AADAT: variants seen among roughly 807,000 people sequenced by gnomAD.
AADAT encodes the protein aminoadipate aminotransferase.
A neutral mutation model predicts 56.2 loss-of-function variants in AADAT; 25 were observed. The observed-to-expected ratio is 0.44, with a 90% CI of 0.32 to 0.62. The LOEUF is 0.62. Ranked by LOEUF, AADAT falls within the 20% of genes least tolerant of loss-of-function variation. The pLI is 0.04. For synonymous variants in AADAT, 173 were observed against 164.7 expected, an observed-to-expected ratio of 1.05 and a Z score of -0.39; for missense variants, 387 against 510.5, an observed-to-expected ratio of 0.76 and a Z score of 2.33.
At chr4:170,066,560 G>A (rs1731473114) in intron 9 of AADAT, 82 bp from the exon 10 acceptor site, 1 of 1,005,176 alleles carries the variant, frequency 9.9e-7, no homozygotes, top group Non-Finnish European at 1.6e-6. Context: ...CAGGCTATAA[G>A]AATTTGTTTT....
intron 3 of AADAT, among the ~76,000 whole-genome samples, chr4:170,084,655 T>C (rs1732466420): frequency 1.3e-5 from 2 of 152,164 alleles, no homozygotes; most frequent in Non-Finnish European, 2.9e-5. Context: ...CCACAAACAG[T>C]AGGGCCATTA....
intron 9 of AADAT, 33 bp from the exon 10 acceptor site, chr4:170,066,511 C>T: frequency 1.3e-6 from 2 of 1,524,636 alleles, no homozygotes; most frequent in Non-Finnish European, 1.8e-6. Context: ...TGGATGTGCT[C>T]AGTACATTGA....
At chr4:170,086,704 G>C (rs184502306) in intron 3 of AADAT, among the ~76,000 whole-genome samples, 594 of 152,286 alleles carry the variant, frequency 3.9e-3, no homozygotes, top group Admixed American at 8.7e-3. Flanking sequence ...CCCTTAGTGG[G>C]CATCCTGCTT....
upstream of AADAT, among the ~76,000 whole-genome samples, chr4:170,091,240 C>A (rs868191498): frequency 2.4e-4 from 36 of 152,078 alleles, no homozygotes; most frequent in African/African-American, 9.7e-5. Context: ...GGGAGAGGCA[C>A]GGGCGGGAAC....
chr4:170,088,917 A>G lies in AADAT; in HGVS notation c.68-353T>C, dbSNP rs559807075. 9.9e-5 allele frequency among the ~76,000 whole-genome samples: 15 copies of G among 150,840 alleles called. No individual in the cohort carries two copies. In the South Asian group the frequency reaches 3.1e-3, roughly 32 times the overall value. On this transcript the variant is annotated intron_variant, in intron 1 of 12. Coordinates refer to ENST00000337664, the MANE Select transcript of AADAT (RefSeq NM_016228.4). ...AGGATGCAGCAAGATGGCTCTGTCT[A>G]TAAGGAAGGGCTCTCACCATGGTGA...
chr4:170,090,080 G>C (rs1286261760), upstream of AADAT: 2 of 149,310 alleles, frequency 1.3e-5, no homozygotes, highest in African/African-American at 5.0e-5. Context: ...ATCGCCCTCA[G>C]AGCGCAGGGC....
At chr4:170,092,246 T>C (rs180769386), upstream of AADAT, among the ~76,000 whole-genome samples, 7 of 152,384 alleles carry the variant, frequency 4.6e-5, no homozygotes, top group East Asian at 1.2e-3. Flanking sequence ...CTGCTGACTC[T>C]TTGGGTCCAC....
At chr4:170,081,736 C>T (rs1053343974) in intron 3 of AADAT, among the ~76,000 whole-genome samples, 2 of 152,088 alleles carry the variant, frequency 1.3e-5, no homozygotes, top group East Asian at 1.9e-4. Context: ...GATGGGGCCT[C>T]GCTATGTTAA....
chr4:170,076,228 T>G (rs770176607), intron 4 of AADAT, among the ~76,000 whole-genome samples: 47 of 152,212 alleles, frequency 3.1e-4, no homozygotes, highest in Non-Finnish European at 5.9e-5. Context: ...TGAACCCAGT[T>G]TCTTCACATA....
At chr4:170,077,392 G>A (rs940823786) in intron 4 of AADAT, among the ~76,000 whole-genome samples, 1 of 151,956 alleles carries the variant, frequency 6.6e-6, no homozygotes, top group African/African-American at 2.4e-5. Flanking sequence ...AGTTTTTAAT[G>A]TACAAGTCTT....
chr4:170,061,701 C>T (rs988769264), intron 12 of AADAT, among the ~76,000 whole-genome samples, 191 bp downstream of exon 12: 1 of 152,270 alleles, frequency 6.6e-6, no homozygotes, highest in African/African-American at 2.4e-5. Context: ...CCAATTTAGT[C>T]TCATTTCTAT....
chr4:170,079,573 T>C (rs1481589131), intron 3 of AADAT, among the ~76,000 whole-genome samples: 4 of 151,518 alleles, frequency 2.6e-5, no homozygotes, highest in Non-Finnish European at 4.4e-5. Context: ...TAAAGTAGAG[T>C]GGTGACAGAG....
At chr4:170,073,652 A>G (rs1342243166) in intron 4 of AADAT, among the ~76,000 whole-genome samples, 1 of 151,914 alleles carries the variant, frequency 6.6e-6, no homozygotes, top group South Asian at 2.1e-4. Context: ...GGTGCACGCC[A>G]CCACGCCCAG....
Position 170,069,199 on chromosome 4 carries a change from A to G in AADAT, c.752T>C (p.Val251Ala), listed in dbSNP as rs1420207635. ...GTCAGCTCTGATGACACGTCCATCA[A>G]CATCCATGGAAAGAAATGTTGGTAC... The part of the protein sequence containing the change: ...FRVPTFLSMD[V>A]DGRVIRADSF... The change falls in exon 7 of 13, where the codon GTT becomes GCT. Residue 251 changes from valine (V) to alanine (A), a missense_variant. Coordinates refer to ENST00000337664, the MANE Select transcript of AADAT (RefSeq NM_016228.4). 1 of 1,613,968 alleles carries G rather than the reference A, an allele frequency of 6.2e-7. No individual in the cohort carries two copies. The highest frequency in any genetic ancestry group is 8.5e-7 in the Non-Finnish European group (1 of 1,179,930).
rs1214188051 is a variant in AADAT, at chr4:170,069,195, A to G, written c.756T>C (p.Asp252=). The G allele has an allele frequency of 1.9e-6, 3 of 1,614,000 alleles. No homozygotes were observed. Among genetic ancestry groups the G allele is most frequent in the African/African-American group, 1.3e-5 (1 of 75,060 alleles). ...AAGAGTCAGCTCTGATGACACGTCC[A>G]TCAACATCCATGGAAAGAAATGTTG... ...RVPTFLSMDV[D]GRVIRADSFS... The change falls in exon 7 of 13, where the codon GAT becomes GAC. Residue 252 remains aspartate (D), a synonymous_variant. Coordinates refer to ENST00000337664, the MANE Select transcript of AADAT (RefSeq NM_016228.4).
chr4:170,080,664 A>G (rs1317046247), intron 3 of AADAT, among the ~76,000 whole-genome samples: 1 of 152,180 alleles, frequency 6.6e-6, no homozygotes, highest in Non-Finnish European at 1.5e-5. Context: ...TCTCATGCCA[A>G]TGGAATAAAT....
chr4:170,069,110 A>G, intron 7 of AADAT, 38 bp downstream of exon 7: 3 of 1,564,522 alleles, frequency 1.9e-6, no homozygotes, highest in Non-Finnish European at 2.6e-6. Flanking sequence ...CTCTGGCTCT[A>G]TTAGATCTAG....
chr4:170,068,515 T>G, intron 8 of AADAT, 76 bp downstream of exon 8: 2 of 1,125,042 alleles, frequency 1.8e-6, no homozygotes, highest in South Asian at 2.8e-5. Flanking sequence ...GGAGTTCCTG[T>G]GCTCTACCAT....
chr4:170,089,359 G>A (rs1325937099), intron 1 of AADAT: 4 of 586,338 alleles, frequency 6.8e-6, no homozygotes, highest in African/African-American at 1.9e-5. Context: ...TCCCTTCCAA[G>A]GCCGTGCCCC....
Sources: gnomAD v4.1 joint callset for allele counts (sites outside exome capture counted in the v4.1 genomes callset) on GRCh38, gnomAD v4.1.1 for gene constraint, MANE v1.5 for transcripts, NCBI Gene and HGNC (gene_info 2026-07-23, HGNC 2026-07-21) for gene names.